The following PPFIA2 variants were observed in gnomAD, a reference collection of about 807,000 sequenced individuals.
PPFIA2 encodes the protein liprin-alpha-2.
PPFIA2 carries 46 observed loss-of-function variants against 175.5 expected under a neutral mutation model. The ratio of observed to expected loss-of-function variants is 0.26; its 90% CI spans 0.21 to 0.34. PPFIA2 has a LOEUF of 0.34. Ranked by LOEUF, PPFIA2 falls within the 10% of genes least tolerant of loss-of-function variation. PPFIA2 has a pLI of 1.00. For synonymous variants in PPFIA2, 568 were observed against 511.4 expected (o/e 1.11, Z -1.49); for missense variants, 1,179 against 1,506.1 (o/e 0.78, Z 3.60).
intron 5 of PPFIA2, among the ~76,000 whole-genome samples, chr12:81,454,804 G>A (rs1471233792): frequency 6.6e-6 from 1 of 151,936 alleles, no homozygotes; most frequent in Non-Finnish European, 1.5e-5. Context: ...TTGGAAATTG[G>A]AATGCTCAAT....
chr12:81,636,543 G>C (rs2064076874), intron 4 of PPFIA2, among the ~76,000 whole-genome samples: 1 of 150,552 alleles, frequency 6.6e-6, no homozygotes, highest in Admixed American at 6.6e-5. Flanking sequence ...GGGATTACAG[G>C]CGTGAGCCAC....
At chr12:81,415,096 C>T (rs1310903078) in intron 7 of PPFIA2, among the ~76,000 whole-genome samples, 1 of 138,266 alleles carries the variant, frequency 7.2e-6, no homozygotes, top group African/African-American at 2.7e-5. Context: ...GCTTGTGACA[C>T]CAAACTGTTC....
chr12:81,419,519 AT>A (rs988765222), intron 7 of PPFIA2, among the ~76,000 whole-genome samples: 2 of 151,700 alleles, frequency 1.3e-5, no homozygotes, highest in African/African-American at 4.8e-5. Flanking sequence ...CATGGTATTC[AT>A]TTTTTTCTGT....
chr12:81,675,156 T>C (rs960269061), intron 4 of PPFIA2, among the ~76,000 whole-genome samples: 2 of 151,702 alleles, frequency 1.3e-5, no homozygotes, highest in South Asian at 2.1e-4. Flanking sequence ...AAAAAATCTA[T>C]CTATCTAAGT....
intron 4 of PPFIA2, among the ~76,000 whole-genome samples, chr12:81,575,382 T>C (rs1389412647): frequency 6.6e-6 from 1 of 151,966 alleles, no homozygotes; most frequent in African/African-American, 2.4e-5. Flanking sequence ...AATGCAAGCA[T>C]AGTGCTGTAT....
intron 4 of PPFIA2, among the ~76,000 whole-genome samples, chr12:81,617,480 G>A (rs1220957342): frequency 6.6e-6 from 1 of 152,156 alleles, no homozygotes; most frequent in Non-Finnish European, 1.5e-5. Flanking sequence ...AATTTGAATT[G>A]TGTTTCTCCT....
At chr12:81,442,306 G>T (rs949267369) in intron 6 of PPFIA2, among the ~76,000 whole-genome samples, 1 of 152,004 alleles carries the variant, frequency 6.6e-6, no homozygotes, top group Non-Finnish European at 1.5e-5. Context: ...TTGATGCTGT[G>T]AATATCAATA....
intron 4 of PPFIA2, among the ~76,000 whole-genome samples, chr12:81,592,931 T>C (rs1386185532): frequency 6.6e-6 from 1 of 152,114 alleles, no homozygotes; most frequent in African/African-American, 2.4e-5. Flanking sequence ...AATTTTTTTG[T>C]ATTTTTGATA....
chr12:81,476,273 G>A (rs2057466451), intron 4 of PPFIA2, among the ~76,000 whole-genome samples: 1 of 152,118 alleles, frequency 6.6e-6, no homozygotes. Flanking sequence ...CATTTGTGTT[G>A]CATTTAGTCT....
chr12:81,745,986 C>A (rs111961956), intron 3 of PPFIA2, among the ~76,000 whole-genome samples: 7 of 106,976 alleles, frequency 6.5e-5, no homozygotes, highest in African/African-American at 1.6e-4. Flanking sequence ...TTAGCTTTTC[C>A]AACTCAATCT....
intron 4 of PPFIA2, among the ~76,000 whole-genome samples, chr12:81,561,517 C>G (rs185091992): frequency 8.6e-5 from 13 of 151,236 alleles, no homozygotes; most frequent in Admixed American, 6.6e-4. Context: ...AGTCCCCCCC[C>G]AAAAAAAACG....
chr12:81,566,284 G>A (rs2071261542), intron 4 of PPFIA2, among the ~76,000 whole-genome samples: 1 of 152,072 alleles, frequency 6.6e-6, no homozygotes, highest in Non-Finnish European at 1.5e-5. Context: ...AGCACTTTGG[G>A]AGGCTGAGGC....
At chr12:81,683,648 A>C (rs2153578928) in intron 3 of PPFIA2, among the ~76,000 whole-genome samples, 1 of 152,160 alleles carries the variant, frequency 6.6e-6, no homozygotes, top group Non-Finnish European at 1.5e-5. Flanking sequence ...TATTCCAAAA[A>C]ATATTCAAAA....
chr12:81,570,817 C>G (rs2153413233), intron 4 of PPFIA2, among the ~76,000 whole-genome samples: 1 of 151,350 alleles, frequency 6.6e-6, no homozygotes, highest in South Asian at 2.1e-4. Flanking sequence ...AACAGTTTCA[C>G]CATGTCTACC....
At chr12:81,376,067 C>A (rs1262485406) in intron 9 of PPFIA2, 125 bp from the exon 10 acceptor site, 29 of 858,762 alleles carry the variant, frequency 3.4e-5, no homozygotes, top group Admixed American at 1.1e-4. Flanking sequence ...TCATTCCTTT[C>A]TTTTCATTGA....
intron 21 of PPFIA2, among the ~76,000 whole-genome samples, chr12:81,329,921 T>C (rs1432553536): frequency 2.0e-5 from 3 of 152,184 alleles, no homozygotes; most frequent in African/African-American, 7.2e-5. Context: ...AGCCCTGAAC[T>C]TTCCCAGACA....
chr12:81,360,038 T>C (rs546187394), intron 15 of PPFIA2, among the ~76,000 whole-genome samples: 2 of 152,036 alleles, frequency 1.3e-5, no homozygotes, highest in South Asian at 4.1e-4. Flanking sequence ...GTTTGTGTTC[T>C]CCTGAAAACA....
intron 6 of PPFIA2, 31 bp downstream of exon 6, chr12:81,445,525 G>A (rs2051096196): frequency 6.3e-7 from 1 of 1,599,442 alleles, no homozygotes; most frequent in Non-Finnish European, 8.5e-7. Context: ...CAGAAGTGTA[G>A]TTAAGCTTGA....
intron 3 of PPFIA2, among the ~76,000 whole-genome samples, chr12:81,711,064 C>A (rs1450820766): frequency 1.3e-5 from 2 of 150,814 alleles, no homozygotes; most frequent in Non-Finnish European, 2.9e-5. Flanking sequence ...ACCTCTTCAC[C>A]ATTAAAAATC....
Sources: allele counts gnomAD v4.1 joint callset (sites outside exome capture counted in the v4.1 genomes callset), GRCh38; gene constraint gnomAD v4.1.1; transcripts MANE v1.5; gene names NCBI Gene and HGNC (gene_info 2026-07-23, HGNC 2026-07-21).